The following SBF2 variants were observed in gnomAD, a reference collection of about 807,000 sequenced individuals.
SBF2 encodes myotubularin-related protein 13.
In SBF2, 112 loss-of-function variants were observed where a neutral mutation model predicts 225.2. The observed-to-expected ratio is 0.50, with a 90% CI of 0.43 to 0.58. The LOEUF (loss-of-function observed/expected upper bound fraction) is 0.58. SBF2 is among the 20% of genes least tolerant of loss of function. The probability of loss-of-function intolerance (pLI) is 0.00; values close to 1 mark genes in which losing one functional copy is unlikely to be tolerated. For missense variants in SBF2, 1,996 were observed against 2,206.2 expected (o/e 0.90, Z 1.91); for synonymous variants, 763 against 773.3 (o/e 0.99, Z 0.22).
At chr11:10,267,458 T>C (rs1280271679) in intron 1 of SBF2, among the ~76,000 whole-genome samples, 5 of 151,934 alleles carry the variant, frequency 3.3e-5, no homozygotes, top group Non-Finnish European at 7.4e-5. Flanking sequence ...TGAGAAAATT[T>C]TGAGGGAAAA....
intron 2 of SBF2, among the ~76,000 whole-genome samples, chr11:10,101,647 C>G (rs1214872890): frequency 8.4e-6 from 1 of 119,596 alleles, no homozygotes; most frequent in East Asian, 2.7e-4. Flanking sequence ...TGGTGTGTCT[C>G]TCTCTCTCGC....
intron 2 of SBF2, among the ~76,000 whole-genome samples, chr11:10,142,085 C>T (rs1555044508): frequency 6.6e-6 from 1 of 152,112 alleles, no homozygotes; most frequent in Non-Finnish European, 1.5e-5. Context: ...CTAAAGTTAT[C>T]ATCATTAGCA....
At chr11:10,283,802 G>A (rs1263402237) in intron 1 of SBF2, among the ~76,000 whole-genome samples, 1 of 152,070 alleles carries the variant, frequency 6.6e-6, no homozygotes, top group Non-Finnish European at 1.5e-5. Flanking sequence ...GGCAAAGTCA[G>A]AAAAATAAAG....
chr11:10,161,016 A>G (rs1157612531), intron 2 of SBF2, among the ~76,000 whole-genome samples: 1 of 151,924 alleles, frequency 6.6e-6, no homozygotes, highest in Non-Finnish European at 1.5e-5. Flanking sequence ...GTGAAACCCC[A>G]TCTCTACTAA....
At chr11:10,090,764 C>CAAAAAAA (rs201577494) in intron 2 of SBF2, among the ~76,000 whole-genome samples, 6,468 of 44,172 alleles carry the variant, frequency 0.15, 941 homozygotes, top group East Asian at 0.18. Context: ...GATTCCATCT[C>CAAAAAAA]AAAAAAAAAA....
chr11:9,912,580 C>G (rs1284728801), intron 16 of SBF2, among the ~76,000 whole-genome samples: 2 of 152,192 alleles, frequency 1.3e-5, no homozygotes, highest in African/African-American at 4.8e-5. Flanking sequence ...AAGACTCCGT[C>G]TCAAAAGAAA....
At chr11:9,927,258 A>G (rs1168991106) in intron 16 of SBF2, among the ~76,000 whole-genome samples, 2 of 152,242 alleles carry the variant, frequency 1.3e-5, no homozygotes, top group Non-Finnish European at 2.9e-5. Context: ...ACCTTCTCAT[A>G]AAGAAAGATC....
chr11:10,063,129 T>G (rs1253411021), intron 2 of SBF2, among the ~76,000 whole-genome samples: 1 of 151,868 alleles, frequency 6.6e-6, no homozygotes, highest in African/African-American at 2.4e-5. Flanking sequence ...TAAGAACATA[T>G]GAACACAAAG....
At chr11:9,993,769 ACAGT>A (rs1470435912) in intron 10 of SBF2, 148 bp downstream of exon 10, 7 of 751,716 alleles carry the variant, frequency 9.3e-6, no homozygotes, top group Non-Finnish European at 1.3e-5. Context: ...GGACATAAGG[ACAGT>A]CAGCGGCAAG....
At position 10,210,975 on chromosome 11, in the gene SBF2, T is replaced by TGCAC. The variant is rs1245998689; in HGVS notation, c.56-16992_56-16989dup. Among the ~76,000 whole-genome samples the TGCAC allele has an allele frequency of 3.4e-5, 4 of 117,622 alleles. No homozygotes were observed. In the Admixed American group the frequency reaches 4.9e-4, roughly 14 times the overall value. 77.2% of individuals were successfully genotyped at this position (117,622 alleles called of 152,430 possible). The stretch of plus-strand genomic sequence containing the variant: ...TTTCAGTGAGCTGAAATTGCGCCAC[T>TGCAC]GCACTCCAGCCTGGGCGACAAGAGC... On this transcript the variant is annotated intron_variant, in intron 1 of 39. Coordinates refer to ENST00000256190, the MANE Select transcript of SBF2 (RefSeq NM_030962.4).
intron 1 of SBF2, among the ~76,000 whole-genome samples, chr11:10,304,050 C>A (rs1373138385): frequency 6.6e-6 from 1 of 152,158 alleles, no homozygotes; most frequent in African/African-American, 2.4e-5. Context: ...CTGCTTCCTA[C>A]CTGCAGGGTG....
chr11:10,101,868 C>A (rs1421579036), intron 2 of SBF2, among the ~76,000 whole-genome samples: 1 of 151,946 alleles, frequency 6.6e-6, no homozygotes, highest in Non-Finnish European at 1.5e-5. Context: ...GGGTTTAGGA[C>A]CCCTATAAGC....
At chr11:9,805,854 C>T (rs963449969) in intron 32 of SBF2, among the ~76,000 whole-genome samples, 2 of 152,118 alleles carry the variant, frequency 1.3e-5, no homozygotes, top group Non-Finnish European at 2.9e-5. Flanking sequence ...GATCTCTTAC[C>T]TCGTGATCCA....
At chr11:10,050,369 G>T (rs1354675254) in intron 2 of SBF2, among the ~76,000 whole-genome samples, 1 of 152,016 alleles carries the variant, frequency 6.6e-6, no homozygotes, top group Non-Finnish European at 1.5e-5. Flanking sequence ...TCCCACAGTG[G>T]TTACCTAAAA....
intron 3 of SBF2, among the ~76,000 whole-genome samples, chr11:10,035,375 C>T (rs1440576684): frequency 1.3e-5 from 2 of 152,182 alleles, no homozygotes; most frequent in Non-Finnish European, 2.9e-5. Context: ...ACGTCTAAAA[C>T]ACCAAAAGCA....
At chr11:9,922,131 A>G (rs1863680840) in intron 16 of SBF2, among the ~76,000 whole-genome samples, 2 of 152,156 alleles carry the variant, frequency 1.3e-5, no homozygotes, top group Non-Finnish European at 2.9e-5. Flanking sequence ...CTGCAGTCCT[A>G]GCTACTCAGG....
At chr11:10,227,378 A>C (rs1958618875) in intron 1 of SBF2, among the ~76,000 whole-genome samples, 1 of 152,116 alleles carries the variant, frequency 6.6e-6, no homozygotes, top group Admixed American at 6.5e-5. Context: ...TTGGTGTTTT[A>C]GACATGAAGT....
intron 15 of SBF2, among the ~76,000 whole-genome samples, chr11:9,963,547 T>G (rs1252444390): frequency 6.6e-6 from 1 of 152,206 alleles, no homozygotes; most frequent in African/African-American, 2.4e-5. Flanking sequence ...GTTTAAAAGT[T>G]TGACAGAAAA....
At chr11:10,251,605 G>A (rs947810144) in intron 1 of SBF2, among the ~76,000 whole-genome samples, 3 of 152,074 alleles carry the variant, frequency 2.0e-5, no homozygotes, top group Admixed American at 6.6e-5. Flanking sequence ...TTAATCTTAG[G>A]TGGTTTGGTT....
Sources: allele counts gnomAD v4.1 joint callset (sites outside exome capture counted in the v4.1 genomes callset), GRCh38; gene constraint gnomAD v4.1.1; transcripts MANE v1.5; gene names NCBI Gene and HGNC (gene_info 2026-07-23, HGNC 2026-07-21).